The following ODF1 variants were observed in gnomAD, a reference collection of about 807,000 sequenced individuals.
The protein encoded by ODF1 is outer dense fiber of sperm tails 1, also known as outer dense fiber protein 1.
A neutral mutation model predicts 24.0 loss-of-function variants in ODF1; 10 were observed. That is an observed-to-expected ratio of 0.42 (90% confidence interval 0.26 to 0.71). The LOEUF (loss-of-function observed/expected upper bound fraction) is 0.71. ODF1 is among the 30% of genes least tolerant of loss of function. The probability of loss-of-function intolerance (pLI) is 0.28; values close to 1 mark genes in which losing one functional copy is unlikely to be tolerated. For synonymous variants in ODF1, 118 were observed against 121.3 expected (o/e 0.97, Z 0.18); for missense variants, 282 against 307.9 (o/e 0.92, Z 0.63).
In ODF1 at chr8:102,556,179, G is replaced by C. The variant is rs1826108471; in HGVS notation, c.320+4132G>C. Among the ~76,000 whole-genome samples the C allele has an allele frequency of 2.0e-5, 3 of 152,178 alleles. No individual in the cohort carries two copies. The South Asian group carries it at 6.2e-4, about 32-fold the overall frequency. ...GTCATCTTACAGACAATGAAACAGA[G>C]TCAGGGGCCATGTTCTTGATCACTA... On this transcript the variant is annotated intron_variant, in intron 1 of 1. Coordinates refer to ENST00000285402, the MANE Select transcript of ODF1 (RefSeq NM_024410.4).
At position 102,552,271 on chromosome 8, in the gene ODF1, C is replaced by T. The variant is rs375254898; in HGVS notation, c.320+224C>T. On this transcript the variant is annotated intron_variant, in intron 1 of 1. Coordinates refer to ENST00000285402, the MANE Select transcript of ODF1 (RefSeq NM_024410.4). ...TAATGATGTCGATTGGCAAGGTCGT[C>T]GGTGGTTTATAGCAAGAATGCCAGT... Among the ~76,000 whole-genome samples the T allele has an allele frequency of 3.3e-5, 5 of 151,512 alleles. No homozygotes were observed. In the East Asian group the frequency reaches 7.8e-4, roughly 23 times the overall value.
intron 1 of ODF1, among the ~76,000 whole-genome samples, chr8:102,557,931 C>A (rs56658175): frequency 0.011 from 1,737 of 152,322 alleles, 29 homozygotes; most frequent in African/African-American, 0.04. Flanking sequence ...AGAGAGGGTA[C>A]CATGCCTGGA....
chr8:102,553,160 C>T (rs2436900), intron 1 of ODF1, among the ~76,000 whole-genome samples: 88,137 of 146,836 alleles, frequency 0.6, 26,893 homozygotes, highest in Middle Eastern at 0.74. Context: ...CTCAAGAGTT[C>T]GAGACCAGCC....
rs113537224 is a variant in ODF1 at position 102,551,723 on chromosome 8, C to A, written c.-5C>A. 1 of 1,579,366 alleles carries A rather than the reference C, an allele frequency of 6.3e-7. No homozygotes were observed. Among genetic ancestry groups the A allele is most frequent in the Non-Finnish European group, 8.6e-7 (1 of 1,157,210 alleles). ...GTACTCACAGAACAATCAGGTGTGA[C>A]CATAATGGCTGCACTGAGTTGTCTC... On this transcript the variant is annotated 5_prime_UTR_variant, in exon 1 of 2. Transcript: ENST00000285402.
intron 1 of ODF1, among the ~76,000 whole-genome samples, chr8:102,557,195 C>T (rs760879238): frequency 1.4e-4 from 22 of 152,154 alleles, no homozygotes; most frequent in Non-Finnish European, 2.9e-4. Flanking sequence ...GACTAAGCTT[C>T]GCCCCCATGA....
At chr8:102,560,341 G>A (rs1413108340) in intron 1 of ODF1, 111 bp from the exon 2 acceptor site, 16 of 977,496 alleles carry the variant, frequency 1.6e-5, no homozygotes, top group Non-Finnish European at 2.3e-5. Flanking sequence ...ACAATGGCTA[G>A]TATTAACTTT....
chr8:102,553,373 TCAA>T (rs748157683), intron 1 of ODF1, among the ~76,000 whole-genome samples: 8 of 73,542 alleles, frequency 1.1e-4, no homozygotes, highest in African/African-American at 4.6e-4. Context: ...TGAGACTGTC[TCAA>T]AAAAAAAAAA....
At chr8:102,555,668 C>T (rs553049395) in intron 1 of ODF1, among the ~76,000 whole-genome samples, 1 of 152,294 alleles carries the variant, frequency 6.6e-6, no homozygotes, top group African/African-American at 2.4e-5. Flanking sequence ...TTTAGAGGTG[C>T]CTTGCCCAGG....
chr8:102,552,638 A>G (rs1320083950), intron 1 of ODF1, among the ~76,000 whole-genome samples: 1 of 152,222 alleles, frequency 6.6e-6, no homozygotes, highest in African/African-American at 2.4e-5. Context: ...AGGTCTTGCA[A>G]ATAAACTATG....
intron 1 of ODF1, among the ~76,000 whole-genome samples, chr8:102,552,993 TA>T (rs1826061776): frequency 1.4e-5 from 1 of 73,654 alleles, no homozygotes; most frequent in Admixed American, 1.5e-4. Flanking sequence ...GATAGATAGA[TA>T]GATAGATAGA....
intron 1 of ODF1, among the ~76,000 whole-genome samples, chr8:102,555,134 T>A (rs1254422704): frequency 6.6e-6 from 1 of 152,148 alleles, no homozygotes; most frequent in Non-Finnish European, 1.5e-5. Context: ...GCAGTGTCCC[T>A]GTCTCTTCCT....
At chr8:102,552,081 GTATATTAGCCTTATAAGT>G (rs769579061) in intron 1 of ODF1, 34 bp downstream of exon 1, 63 of 1,477,134 alleles carry the variant, frequency 4.3e-5, no homozygotes, top group Non-Finnish European at 5.8e-5. Flanking sequence ...TTTATAGTCG[GTATATTAGCCTTATAAGT>G]TGGAATAAGG....
intron 1 of ODF1, among the ~76,000 whole-genome samples, chr8:102,557,169 T>G (rs1433372892): frequency 6.6e-6 from 1 of 152,098 alleles, no homozygotes; most frequent in African/African-American, 2.4e-5. Context: ...GGAGCTGATT[T>G]CCCTATGTTT....
At chr8:102,552,451 T>C (rs568868651) in intron 1 of ODF1, among the ~76,000 whole-genome samples, 1 of 152,180 alleles carries the variant, frequency 6.6e-6, no homozygotes, top group Non-Finnish European at 1.5e-5. Context: ...GTAATAATAA[T>C]AGATCAAATC....
At chr8:102,558,805 C>T (rs1008816431) in intron 1 of ODF1, among the ~76,000 whole-genome samples, 1 of 148,136 alleles carries the variant, frequency 6.8e-6, no homozygotes, top group Non-Finnish European at 1.5e-5. Flanking sequence ...AAGTCAAACA[C>T]CAAAATGCTA....
rs1007807272 is a variant in ODF1, at chr8:102,557,611, T to G, written c.321-2841T>G. ...GGGCGCTGACTTGGGCTTATAGACC[T>G]GGCTCCCAGATCCAGCTTCTGTGGA... On this transcript the variant is annotated intron_variant, in intron 1 of 1. Transcript: ENST00000285402. Among the ~76,000 whole-genome samples the G allele has an allele frequency of 2.0e-5, 3 of 152,352 alleles. 1 individual carries two copies. Among genetic ancestry groups the G allele is most frequent in the Non-Finnish European group, 2.9e-5 (2 of 68,030 alleles).
chr8:102,552,602 G>A (rs1334863797), intron 1 of ODF1, among the ~76,000 whole-genome samples: 1 of 152,126 alleles, frequency 6.6e-6, no homozygotes, highest in Non-Finnish European at 1.5e-5. Context: ...GGTCTATCAT[G>A]TTGGCCTCCC....
chr8:102,553,901 C>A (rs1454300797), intron 1 of ODF1, among the ~76,000 whole-genome samples: 1 of 152,210 alleles, frequency 6.6e-6, no homozygotes, highest in South Asian at 2.1e-4. Flanking sequence ...TCTCTGCCTG[C>A]AGGCAATATG....
intron 1 of ODF1, among the ~76,000 whole-genome samples, chr8:102,558,165 G>T (rs1336002669): frequency 6.6e-6 from 1 of 152,166 alleles, no homozygotes. Context: ...TAGAAATGGG[G>T]CTGAGGCCGG....
Sources: allele counts gnomAD v4.1 joint callset (sites outside exome capture counted in the v4.1 genomes callset), GRCh38; gene constraint gnomAD v4.1.1; transcripts MANE v1.5; gene names NCBI Gene and HGNC (gene_info 2026-07-23, HGNC 2026-07-21).